NUBPL: variants seen among roughly 807,000 people sequenced by gnomAD.
The protein encoded by NUBPL is NUBP iron-sulfur cluster assembly factor, mitochondrial.
In NUBPL, 31 loss-of-function variants were observed where a neutral mutation model predicts 45.7. The ratio of observed to expected loss-of-function variants is 0.68; its 90% confidence interval spans 0.51 to 0.92. The LOEUF (loss-of-function observed/expected upper bound fraction) is 0.92. Ranked by LOEUF, NUBPL falls within the 40% of genes least tolerant of loss-of-function variation. NUBPL has a pLI of 0.00. For missense variants in NUBPL, 401 were observed against 398.7 expected (o/e 1.01, Z -0.05); for synonymous variants, 144 against 140.9 (o/e 1.02, Z -0.15).
chr14:31,723,577 A>T (rs2037857341), intron 6 of NUBPL, among the ~76,000 whole-genome samples: 1 of 152,192 alleles, frequency 6.6e-6, no homozygotes, highest in Non-Finnish European at 1.5e-5. Flanking sequence ...TCCATCCATA[A>T]GCATGGAATG....
chr14:31,749,409 C>T, intron 6 of NUBPL, among the ~76,000 whole-genome samples: 1 of 152,160 alleles, frequency 6.6e-6, no homozygotes, highest in African/African-American at 2.4e-5. Context: ...TGAATTCCCT[C>T]AGTTTTTGCT....
At chr14:31,593,505 T>C in intron 3 of NUBPL, among the ~76,000 whole-genome samples, 1 of 112,352 alleles carries the variant, frequency 8.9e-6, no homozygotes, top group African/African-American at 3.0e-5. Context: ...CAGAGCGAGC[T>C]TCCGTCTCAA....
At chr14:31,844,500 G>T (rs532158687) in intron 8 of NUBPL, 37 of 152,292 alleles carry the variant, frequency 2.4e-4, no homozygotes, top group Admixed American at 2.2e-3. Context: ...TTTATTTTTT[G>T]TGATAGTGTG....
At chr14:31,695,012 C>T (rs554712046) in intron 6 of NUBPL, among the ~76,000 whole-genome samples, 2 of 152,094 alleles carry the variant, frequency 1.3e-5, no homozygotes, top group Non-Finnish European at 2.9e-5. Flanking sequence ...TACTGTTGTG[C>T]AATGTTTTAT....
chr14:31,675,014 G>C (rs1268541675), intron 6 of NUBPL, among the ~76,000 whole-genome samples: 1 of 151,974 alleles, frequency 6.6e-6, no homozygotes, highest in Non-Finnish European at 1.5e-5. Flanking sequence ...GCGGGTGCCT[G>C]TAGTCCCAGC....
chr14:31,642,244 A>G lies in NUBPL; in HGVS notation c.383-31111A>G, dbSNP rs181250299. ...CCTGTACTTTTGAGTTCTTACATTT[A>G]AAGATCTTTGCCCAGACTAACGTTC... On this transcript the variant is annotated intron_variant, in intron 4 of 10. Coordinates refer to ENST00000281081, the MANE Select transcript of NUBPL (RefSeq NM_025152.3). Among the ~76,000 whole-genome samples the G allele has an allele frequency of 4.6e-5, 7 of 152,256 alleles. No homozygotes were observed. The South Asian group carries it at 1.4e-3, about 32-fold the overall frequency.
chr14:31,654,709 C>T (rs770611087), intron 4 of NUBPL, among the ~76,000 whole-genome samples: 5 of 151,928 alleles, frequency 3.3e-5, no homozygotes, highest in East Asian at 3.9e-4. Flanking sequence ...GTGCCTGCCC[C>T]GGCTATGGCA....
At chr14:31,664,432 AT>A (rs1433736790) in intron 4 of NUBPL, among the ~76,000 whole-genome samples, 3 of 152,088 alleles carry the variant, frequency 2.0e-5, no homozygotes, top group Non-Finnish European at 2.9e-5. Context: ...TTATTGAGTG[AT>A]TTTAGCATAA....
At chr14:31,653,014 T>C (rs1358855051) in intron 4 of NUBPL, among the ~76,000 whole-genome samples, 1 of 152,146 alleles carries the variant, frequency 6.6e-6, no homozygotes, top group Non-Finnish European at 1.5e-5. Context: ...CAGCAGGTTT[T>C]TATCAAGGAC....
chr14:31,835,841 A>G (rs915236452), intron 8 of NUBPL, among the ~76,000 whole-genome samples: 1 of 152,200 alleles, frequency 6.6e-6, no homozygotes, highest in Non-Finnish European at 1.5e-5. Flanking sequence ...AAAGAACTGA[A>G]AAGCAGTTAT....
chr14:31,761,374 G>A (rs571691154), intron 6 of NUBPL, among the ~76,000 whole-genome samples: 1 of 150,314 alleles, frequency 6.7e-6, no homozygotes, highest in African/African-American at 2.5e-5. Flanking sequence ...TGAGGTCAGT[G>A]CTTTTCAATT....
chr14:31,669,822 T>C (rs955609642), intron 4 of NUBPL, among the ~76,000 whole-genome samples: 1 of 139,910 alleles, frequency 7.1e-6, no homozygotes. Context: ...TTTTTTTTTT[T>C]ACGGCTGCCT....
At position 31,670,802 on chromosome 14, in the gene NUBPL, G is replaced by A. The variant is rs183437534; in HGVS notation, c.383-2553G>A. 2.6e-5 allele frequency among the ~76,000 whole-genome samples: 4 copies of A among 152,150 alleles called. No individual in the cohort carries two copies. In the East Asian group the frequency reaches 7.7e-4, roughly 29 times the overall value. On this transcript the variant is annotated intron_variant, in intron 4 of 10. Transcript: ENST00000281081. ...GTTGTAGTTGTGTGGCCTTATTTCT[G>A]GGCTCTTTATTCTGTTCCATTGGTC...
At chr14:31,810,521 G>C (rs1326432178) in intron 7 of NUBPL, among the ~76,000 whole-genome samples, 1 of 152,110 alleles carries the variant, frequency 6.6e-6, no homozygotes, top group Non-Finnish European at 1.5e-5. Context: ...CTCTGCATGT[G>C]AGATGGGTCT....
At chr14:31,859,013 G>T in intron 10 of NUBPL, 105 bp from the exon 11 acceptor site, 3 of 919,720 alleles carry the variant, frequency 3.3e-6, no homozygotes, top group Non-Finnish European at 5.3e-6. Context: ...ATCTCACTCA[G>T]CCTTTTTACT....
chr14:31,709,785 G>T (rs893039303), intron 6 of NUBPL, among the ~76,000 whole-genome samples: 6 of 152,166 alleles, frequency 3.9e-5, no homozygotes, highest in Non-Finnish European at 7.3e-5. Context: ...GGACATAACC[G>T]ATAGCCCAGG....
At chr14:31,667,605 T>C (rs996262627) in intron 4 of NUBPL, among the ~76,000 whole-genome samples, 2 of 152,110 alleles carry the variant, frequency 1.3e-5, no homozygotes, top group African/African-American at 4.8e-5. Context: ...GGAGAGGAGT[T>C]GTGATTACTT....
chr14:31,722,184 T>A (rs1388000325), intron 6 of NUBPL, among the ~76,000 whole-genome samples: 1 of 152,078 alleles, frequency 6.6e-6, no homozygotes, highest in African/African-American at 2.4e-5. Context: ...TTTTGTTTTT[T>A]GTTTTTTAGT....
intron 6 of NUBPL, among the ~76,000 whole-genome samples, chr14:31,737,673 A>C (rs2038192893): frequency 6.6e-6 from 1 of 151,942 alleles, no homozygotes; most frequent in Non-Finnish European, 1.5e-5. Flanking sequence ...TGTTCCGTCT[A>C]CTCCGGAGGC....
Sources: gnomAD v4.1 joint callset for allele counts (sites outside exome capture counted in the v4.1 genomes callset) on GRCh38, gnomAD v4.1.1 for gene constraint, MANE v1.5 for transcripts, NCBI Gene and HGNC (gene_info 2026-07-23, HGNC 2026-07-21) for gene names.